The following FSIP2 variants were observed in gnomAD, a reference collection of about 807,000 sequenced individuals.
FSIP2 encodes fibrous sheath-interacting protein 2.
Under a neutral mutation model 510.5 loss-of-function variants are expected in FSIP2, and 367 were observed. The ratio of observed to expected loss-of-function variants is 0.72; its 90% CI spans 0.66 to 0.78. The LOEUF is 0.78. Among genes scored for constraint, FSIP2 ranks in the 30% least tolerant of loss-of-function variants. FSIP2 has a pLI of 0.00. For missense variants in FSIP2, 7,594 were observed against 7,901.7 expected, an observed-to-expected ratio of 0.96 and a Z score of 1.48; for synonymous variants, 2,601 against 2,732.2, an observed-to-expected ratio of 0.95 and a Z score of 1.50.
At chr2:185,770,861 ATGT>A (rs1692593374) in intron 13 of FSIP2, among the ~76,000 whole-genome samples, 1 of 152,204 alleles carries the variant, frequency 6.6e-6, no homozygotes, top group African/African-American at 2.4e-5. Context: ...AATCAAAAAC[ATGT>A]TATTACATCC....
In FSIP2 at chr2:185,789,569, T is replaced by A. The variant is rs1693069652; in HGVS notation, c.2433T>A (p.His811Gln). The A allele has an allele frequency of 6.5e-7, 1 of 1,534,794 alleles. No individual in the cohort carries two copies. The highest frequency in any genetic ancestry group is 2.0e-5 in the Admixed American group (1 of 50,880). Residue 811 changes from histidine to glutamine, a missense_variant, in exon 16 of 23, where the codon CAT becomes CAA. His to Gln is a conservative substitution (Grantham distance 24, BLOSUM62 0). Coordinates refer to ENST00000424728, the MANE Select transcript of FSIP2 (RefSeq NM_173651.4). ...NGKPLKNSMP[H>Q]TLDPMCDIAE... ...AACCTTTGAAAAATTCAATGCCTCA[T>A]ACTTTGGACCCAATGTGTGATATTG... is the stretch of plus-strand genomic sequence containing the variant.
rs374865772 is a variant in FSIP2 at position 185,807,851 on chromosome 2, T to C, written c.18545T>C (p.Ile6182Thr). 22 of 1,610,704 alleles carry C rather than the reference T, an allele frequency of 1.4e-5. 1 individual carries two copies. In the South Asian group the frequency reaches 1.5e-4, roughly 11 times the overall value. The part of the protein sequence containing the change: ...DKLSYNIIEE[I>T]AVKFLSKLLS... ...CTGTCTTATAACATAATAGAAGAAA[T>C]TGCTGTGAAATTTTTATCAAAGCTT... Residue 6182 changes from isoleucine (I) to threonine (T), a missense_variant, in exon 17 of 23, where the codon ATT becomes ACT. Physicochemically the swap from Ile to Thr is moderately conservative, Grantham distance 89. Coordinates refer to ENST00000424728, the MANE Select transcript of FSIP2 (RefSeq NM_173651.4).
rs1360755049 is a variant in FSIP2 at position 185,831,711 on chromosome 2, G to C, written c.20518-102G>C. ...GATATATTTTATGTAAGATGCTGTA[G>C]TGGTATTTATAGGTATATCTAGTGG... On this transcript the variant is annotated intron_variant, in intron 21 of 22. Coordinates refer to ENST00000424728, the MANE Select transcript of FSIP2 (RefSeq NM_173651.4). 3 of 740,566 alleles carry C rather than the reference G, an allele frequency of 4.1e-6. No homozygotes were observed. In the South Asian group the frequency reaches 4.4e-5, roughly 11 times the overall value. 45.9% of individuals were successfully genotyped at this position (740,566 alleles called of 1,614,324 possible).
At chr2:185,742,540 ATTC>A (rs886821980) in intron 2 of FSIP2, among the ~76,000 whole-genome samples, 18 of 152,202 alleles carry the variant, frequency 1.2e-4, no homozygotes, top group African/African-American at 4.1e-4. Flanking sequence ...GACCTCAGGT[ATTC>A]TTCTTACTCT....
At chr2:185,829,079 C>T (rs1033796495) in intron 21 of FSIP2, among the ~76,000 whole-genome samples, 2 of 151,856 alleles carry the variant, frequency 1.3e-5, no homozygotes, top group African/African-American at 4.8e-5. Context: ...ACTTTACAAA[C>T]AGTAAAATTA....
Position 185,801,786 on chromosome 2 carries a change from A to C in FSIP2, c.12480A>C (p.Thr4160=). Reference sequence around the variant, plus strand: ...CTCAGCTAATTCCTCCACCCATTACATGTTCCTCTTTAGGAAAAAAATATT... The same window carrying C: ...CTCAGCTAATTCCTCCACCCATTACCTGTTCCTCTTTAGGAAAAAAATATT... ...LLSQLIPPPI[T]CSSLGKKYLM... Residue 4160 remains threonine (T), a synonymous_variant, in exon 17 of 23, where the codon ACA becomes ACC. Transcript: ENST00000424728. 6.7e-7 allele frequency: 1 copy of C among 1,501,524 alleles called. No homozygotes were observed. Among genetic ancestry groups the C allele is most frequent in the South Asian group, 1.3e-5 (1 of 79,082 alleles). 93.0% of individuals were successfully genotyped at this position (1,501,524 alleles called of 1,614,324 possible).
rs753680976 is a variant in FSIP2 at position 185,807,340 on chromosome 2, T to C, written c.18034T>C (p.Phe6012Leu). 22 of 1,610,812 alleles carry C rather than the reference T, an allele frequency of 1.4e-5. No homozygotes were observed. The East Asian group carries it at 4.9e-4, about 36-fold the overall frequency. ...SPYTIILPHK[F>L]LENVISALFS... Reference sequence around the variant, plus strand: ...ATATACAATAATATTACCTCATAAATTTTTGGAGAATGTGATTTCTGCTCT... The same window carrying C: ...ATATACAATAATATTACCTCATAAACTTTTGGAGAATGTGATTTCTGCTCT... Residue 6012 changes from phenylalanine to leucine, a missense_variant, in exon 17 of 23, where the codon TTT becomes CTT. Coordinates refer to ENST00000424728, the MANE Select transcript of FSIP2 (RefSeq NM_173651.4).
At position 185,792,303 on chromosome 2, in the gene FSIP2, T is replaced by C. The variant is rs1693154904; in HGVS notation, c.5167T>C (p.Ser1723Pro). Residue 1723 changes from serine to proline, a missense_variant, in exon 16 of 23, where the codon TCA (serine) becomes CCA (proline). Coordinates refer to ENST00000424728, the MANE Select transcript of FSIP2 (RefSeq NM_173651.4). ...TYGSLPGGAE[S>P]DSFLEDDAYT... ...TGGAAGTCTTCCTGGAGGAGCTGAATCAGATTCATTTCTAGAAGATGATGC... is the reference window on the plus strand; with the variant it reads ...TGGAAGTCTTCCTGGAGGAGCTGAACCAGATTCATTTCTAGAAGATGATGC... 1.3e-6 allele frequency: 2 copies of C among 1,531,054 alleles called. No individual in the cohort carries two copies. The highest frequency in any genetic ancestry group is 1.7e-6 in the Non-Finnish European group (2 of 1,144,588). The allele number at this position is 1,531,054 out of a possible 1,614,324, so 94.8% of individuals were successfully genotyped here.
intron 14 of FSIP2, among the ~76,000 whole-genome samples, chr2:185,783,308 G>A (rs980141516): frequency 6.6e-6 from 1 of 152,110 alleles, no homozygotes; most frequent in African/African-American, 2.4e-5. Flanking sequence ...CACCTATTTT[G>A]TTGATGTTTA....
At chr2:185,776,625 T>C (rs533499041) in intron 13 of FSIP2, among the ~76,000 whole-genome samples, 35 of 152,336 alleles carry the variant, frequency 2.3e-4, no homozygotes, top group African/African-American at 7.5e-4. Flanking sequence ...TCTGTTTTCA[T>C]TGACATTAAA....
rs1693498882 is a variant in FSIP2, at chr2:185,803,834, G to A, written c.14528G>A (p.Cys4843Tyr). ...TCAATAATTTCAAAACATGAAATAT[G>A]TATTATTAAATATGGGAATAAAAAA... ...IMSIISKHEICIIKYGNKKQS... is the reference protein window; with the variant it reads ...IMSIISKHEIYIIKYGNKKQS... Residue 4843 changes from cysteine to tyrosine, a missense_variant, in exon 17 of 23, where the codon TGT (cysteine) becomes TAT (tyrosine). By Grantham distance (194) the Cys-to-Tyr change is radical (BLOSUM62 -2). Coordinates refer to ENST00000424728, the MANE Select transcript of FSIP2 (RefSeq NM_173651.4). 3 of 1,500,942 alleles carry A rather than the reference G, an allele frequency of 2.0e-6. No homozygotes were observed. Among genetic ancestry groups the A allele is most frequent in the Non-Finnish European group, 8.9e-7 (1 of 1,123,794 alleles). 93.0% of individuals were successfully genotyped at this position (1,500,942 alleles called of 1,614,324 possible).
In FSIP2 at chr2:185,744,399, T is replaced by C; in HGVS notation, c.465T>C (p.Tyr155=). The change falls in exon 4 of 23, where the codon TAT becomes TAC. Residue 155 remains tyrosine, a synonymous_variant. Coordinates refer to ENST00000424728, the MANE Select transcript of FSIP2 (RefSeq NM_173651.4). ...TSLKLDFERN[Y]IKEQRILAKQ... is the part of the protein sequence containing the mutation. The stretch of plus-strand genomic sequence containing the variant: ...TAAAATTAGACTTTGAGAGAAACTA[T>C]ATAAAAGAACAAGTAAGTTAAATAC... The C allele has an allele frequency of 3.8e-6, 4 of 1,041,602 alleles. No homozygotes were observed. Among genetic ancestry groups the C allele is most frequent in the Non-Finnish European group, 5.2e-6 (4 of 765,186 alleles). 64.5% of individuals were successfully genotyped at this position (1,041,602 alleles called of 1,614,324 possible). A position where few individuals can be genotyped will look rare whatever the true frequency, so the allele number is the denominator to read the frequency against.
In FSIP2 at chr2:185,797,055, A is replaced by T. The variant is rs1693304932; in HGVS notation, c.9919A>T (p.Asn3307Tyr). The change falls in exon 16 of 23, where the codon AAC becomes TAC. Residue 3307 changes from asparagine (N) to tyrosine (Y), a missense_variant. Coordinates refer to ENST00000424728, the MANE Select transcript of FSIP2 (RefSeq NM_173651.4). ...GENLRVFHYE[N>Y]LKPVVEPNQI... Reference sequence around the variant, plus strand: ...AAATCTAAGAGTGTTTCATTATGAGAACCTAAAACCAGTTGTTGAACCAAA... The same window carrying T: ...AAATCTAAGAGTGTTTCATTATGAGTACCTAAAACCAGTTGTTGAACCAAA... 6.5e-7 allele frequency: 1 copy of T among 1,535,256 alleles called. No individual in the cohort carries two copies. The highest frequency in any genetic ancestry group is 1.2e-5 in the South Asian group (1 of 84,036).
intron 15 of FSIP2, among the ~76,000 whole-genome samples, chr2:185,787,019 G>T (rs1396728519): frequency 6.6e-6 from 1 of 151,702 alleles, no homozygotes; most frequent in African/African-American, 2.4e-5. Context: ...ATTGAGGTTG[G>T]AATCTCTTCG....
Position 185,790,133 on chromosome 2 carries a change from T to G in FSIP2, c.2997T>G (p.Leu999=). Residue 999 remains leucine, a synonymous_variant, in exon 16 of 23, where the codon CTT becomes CTG. Coordinates refer to ENST00000424728, the MANE Select transcript of FSIP2 (RefSeq NM_173651.4). ...CTATAAATGTTCCAGGCATGGTTCTTTATTCTGATGATGAAAATGAGGAAA... is the reference window on the plus strand; with the variant it reads ...CTATAAATGTTCCAGGCATGGTTCTGTATTCTGATGATGAAAATGAGGAAA... The part of the protein sequence containing the change: ...FPPINVPGMV[L]YSDDENEEID... 2.6e-6 allele frequency: 4 copies of G among 1,533,750 alleles called. No individual in the cohort carries two copies. The South Asian group carries it at 4.8e-5, about 18-fold the overall frequency.
intron 13 of FSIP2, among the ~76,000 whole-genome samples, chr2:185,779,178 A>G (rs1339632736): frequency 6.6e-6 from 1 of 152,034 alleles, no homozygotes; most frequent in African/African-American, 2.4e-5. Context: ...GTATTTATGT[A>G]AATTACAAAT....
intron 18 of FSIP2, among the ~76,000 whole-genome samples, chr2:185,814,957 C>T (rs968904254): frequency 2.6e-5 from 4 of 151,986 alleles, no homozygotes; most frequent in South Asian, 2.1e-4. Context: ...CAGAAGCACA[C>T]ATGAGTTTGC....
At position 185,809,023 on chromosome 2, in the gene FSIP2, TC is replaced by T; in HGVS notation, c.19718del (p.Ser6573Ter). The T allele has an allele frequency of 6.2e-7, 1 of 1,612,618 alleles. No individual in the cohort carries two copies. The highest frequency in any genetic ancestry group is 1.1e-5 in the South Asian group (1 of 90,926). On this transcript the variant is annotated frameshift_variant, in exon 17 of 23. Coordinates refer to ENST00000424728, the MANE Select transcript of FSIP2 (RefSeq NM_173651.4). LOFTEE classifies it high-confidence loss of function. ...GHSIAELRRASISGRNYSLGS... is the reference protein window; with the variant it reads ...GHSIAELRRAXISGRNYSLGS... ...TAGCATAGCAGAACTGAGAAGAGCA[TC>T]AATAAGTGGGAGAAATTACTCCTTA... is the stretch of plus-strand genomic sequence containing the variant.
At chr2:185,753,896 T>C (rs761145797) in intron 8 of FSIP2, 54 bp downstream of exon 8, 85 of 1,267,680 alleles carry the variant, frequency 6.7e-5, no homozygotes, top group Non-Finnish European at 8.3e-5. Flanking sequence ...TGATTATCTA[T>C]GTAAAAATCC....
Sources: gnomAD v4.1 joint callset for allele counts (sites outside exome capture counted in the v4.1 genomes callset) on GRCh38, gnomAD v4.1.1 for gene constraint, MANE v1.5 for transcripts, NCBI Gene and HGNC (gene_info 2026-07-23, HGNC 2026-07-21) for gene names.